KAT2B: variants seen among roughly 807,000 people sequenced by gnomAD.
KAT2B encodes lysine acetyltransferase 2B, also known as histone acetyltransferase KAT2B.
Under a neutral mutation model 105.9 loss-of-function variants are expected in KAT2B, and 36 were observed. The ratio of observed to expected loss-of-function variants is 0.34; its 90% CI spans 0.26 to 0.45. The LOEUF (loss-of-function observed/expected upper bound fraction) is 0.45, where lower values mean the gene tolerates loss of function less well. Among genes scored for constraint, KAT2B ranks in the 20% least tolerant of loss-of-function variants. KAT2B has a pLI of 1.00. For synonymous variants in KAT2B, 397 were observed against 377.9 expected (o/e 1.05, Z -0.59); for missense variants, 820 against 1,021.6 (o/e 0.80, Z 2.69).
intron 14 of KAT2B, among the ~76,000 whole-genome samples, chr3:20,147,586 G>GAGACC (rs1232864285): frequency 6.6e-6 from 1 of 152,160 alleles, no homozygotes; most frequent in African/African-American, 2.4e-5. Flanking sequence ...AAATAGAACA[G>GAGACC]AGACCAGGAC....
chr3:20,123,795 G>A (rs1379110360), intron 9 of KAT2B, among the ~76,000 whole-genome samples: 1 of 152,064 alleles, frequency 6.6e-6, no homozygotes, highest in East Asian at 1.9e-4. Context: ...TTTGTATAAG[G>A]TCCCTCTTTT....
intron 2 of KAT2B, among the ~76,000 whole-genome samples, chr3:20,083,143 A>C (rs1698549549): frequency 6.6e-6 from 1 of 152,206 alleles, no homozygotes; most frequent in Non-Finnish European, 1.5e-5. Flanking sequence ...TAAATTAGGG[A>C]GCGATACATC....
intron 1 of KAT2B, among the ~76,000 whole-genome samples, chr3:20,056,217 G>A (rs141311545): frequency 6.6e-6 from 1 of 152,306 alleles, no homozygotes; most frequent in East Asian, 1.9e-4. Context: ...CAGGAATGGA[G>A]GGGTGAGAAT....
At chr3:20,058,113 ATTTG>A (rs896898374) in intron 1 of KAT2B, among the ~76,000 whole-genome samples, 7 of 152,046 alleles carry the variant, frequency 4.6e-5, no homozygotes, top group African/African-American at 1.7e-4. Flanking sequence ...ACTCTTTAAT[ATTTG>A]TTTTTTTGAT....
At chr3:20,104,194 G>C (rs201299792) in intron 5 of KAT2B, among the ~76,000 whole-genome samples, 4 of 152,206 alleles carry the variant, frequency 2.6e-5, no homozygotes, top group Non-Finnish European at 4.4e-5. Flanking sequence ...TGAGCCAACA[G>C]CTGAAGGCAA....
rs776649331 is a variant in KAT2B at position 20,147,964 on chromosome 3, A to G, written c.2121A>G (p.Arg707=). 10 of 1,613,632 alleles carry G rather than the reference A, an allele frequency of 6.2e-6. No homozygotes were observed. In the East Asian group the frequency reaches 2.2e-4, roughly 36 times the overall value. ...QIPIESIPGI[R]ETGWKPSGKE... ...GTGTTTCACTTTGTTGACGTATAGG[A>G]GAGACAGGCTGGAAACCGAGTGGAA... Residue 707 remains arginine (R), a splice_region_variant and synonymous_variant, in exon 15 of 18, where the codon AGA becomes AGG. Transcript: ENST00000263754.
intron 5 of KAT2B, among the ~76,000 whole-genome samples, chr3:20,104,189 C>T (rs1029024345): frequency 6.6e-6 from 1 of 152,136 alleles, no homozygotes; most frequent in Non-Finnish European, 1.5e-5. Flanking sequence ...CCTCCTGAGC[C>T]AACAGCTGAA....
intron 2 of KAT2B, among the ~76,000 whole-genome samples, chr3:20,075,032 G>A (rs774105877): frequency 6.6e-6 from 1 of 152,150 alleles, no homozygotes; most frequent in African/African-American, 2.4e-5. Context: ...TTGGGAGGCC[G>A]AGGCTGGCAG....
At chr3:20,121,742 G>A (rs1479243851) in intron 8 of KAT2B, among the ~76,000 whole-genome samples, 1 of 64,586 alleles carries the variant, frequency 1.5e-5, no homozygotes, top group South Asian at 3.5e-4. Context: ...ATGTGTGTGT[G>A]TGTGTGTGTG....
intron 2 of KAT2B, among the ~76,000 whole-genome samples, chr3:20,089,323 T>G (rs1337056459): frequency 6.6e-6 from 1 of 152,116 alleles, no homozygotes; most frequent in African/African-American, 2.4e-5. Context: ...TTGGGTAATA[T>G]GGACATTTTA....
intron 10 of KAT2B, among the ~76,000 whole-genome samples, chr3:20,126,575 C>T (rs943262213): frequency 1.3e-5 from 2 of 151,166 alleles, no homozygotes; most frequent in Non-Finnish European, 2.9e-5. Flanking sequence ...GTAATCCCAG[C>T]ATTTTGGGAG....
chr3:20,040,847 C>T (rs186242463), intron 1 of KAT2B, 67 bp downstream of exon 1: 5 of 1,465,110 alleles, frequency 3.4e-6, no homozygotes, highest in Non-Finnish European at 4.5e-6. Context: ...CCCCCCTCCC[C>T]CTCCCGCTTC....
intron 2 of KAT2B, among the ~76,000 whole-genome samples, chr3:20,073,579 A>T (rs1482905674): frequency 6.6e-6 from 1 of 152,244 alleles, no homozygotes; most frequent in Non-Finnish European, 1.5e-5. Flanking sequence ...CACAAAAGCA[A>T]CACACTAATA....
At chr3:20,122,391 T>C (rs1699326412) in intron 8 of KAT2B, among the ~76,000 whole-genome samples, 1 of 152,196 alleles carries the variant, frequency 6.6e-6, no homozygotes, top group African/African-American at 2.4e-5. Context: ...AATCACCCCT[T>C]TGCATTTGCA....
chr3:20,081,661 A>G (rs373045477), intron 2 of KAT2B, among the ~76,000 whole-genome samples: 11 of 152,258 alleles, frequency 7.2e-5, no homozygotes, highest in South Asian at 6.2e-4. Flanking sequence ...GTGTATATCA[A>G]TGCTTTGTAT....
chr3:20,112,596 G>A (rs1400605780), intron 6 of KAT2B, among the ~76,000 whole-genome samples: 1 of 152,154 alleles, frequency 6.6e-6, no homozygotes, highest in Non-Finnish European at 1.5e-5. Context: ...AAATGAATGA[G>A]ACAGTTCATT....
At chr3:20,062,872 CGTT>C (rs766916682) in intron 1 of KAT2B, among the ~76,000 whole-genome samples, 146 of 151,822 alleles carry the variant, frequency 9.6e-4, no homozygotes, top group East Asian at 3.3e-3. Flanking sequence ...TGTAAAATTT[CGTT>C]GTTGTTGTTG....
chr3:20,054,404 T>G (rs1697970363), intron 1 of KAT2B, among the ~76,000 whole-genome samples: 1 of 152,178 alleles, frequency 6.6e-6, no homozygotes, highest in Admixed American at 6.5e-5. Flanking sequence ...TGGGATTGAT[T>G]ACAGATGTGA....
intron 2 of KAT2B, among the ~76,000 whole-genome samples, chr3:20,076,750 C>T (rs540141592): frequency 7.2e-5 from 11 of 152,152 alleles, no homozygotes; most frequent in South Asian, 2.1e-4. Context: ...TAATTGTTAC[C>T]GACAAAGTAC....
Sources: allele counts gnomAD v4.1 joint callset (sites outside exome capture counted in the v4.1 genomes callset), GRCh38; gene constraint gnomAD v4.1.1; transcripts MANE v1.5; gene names NCBI Gene and HGNC (gene_info 2026-07-23, HGNC 2026-07-21).